AGPAT4: variants seen among roughly 807,000 people sequenced by gnomAD.
The protein encoded by AGPAT4 is 1-acylglycerol-3-phosphate O-acyltransferase 4.
A neutral mutation model predicts 48.0 loss-of-function variants in AGPAT4; 15 were observed. The observed-to-expected ratio is 0.31, with a 90% CI of 0.21 to 0.48. The LOEUF is 0.48. AGPAT4 is among the 20% of genes least tolerant of loss of function. The probability of loss-of-function intolerance (pLI) is 0.99; values close to 1 mark genes in which losing one functional copy is unlikely to be tolerated. For synonymous variants in AGPAT4, 178 were observed against 198.7 expected (o/e 0.90, Z 0.88); for missense variants, 314 against 482.5 (o/e 0.65, Z 3.27).
rs550574122 is a variant in AGPAT4 at position 161,248,962 on chromosome 6, A to G, written c.-89-16660T>C. On this transcript the variant is annotated intron_variant, in intron 1 of 8. Coordinates refer to ENST00000320285, the MANE Select transcript of AGPAT4 (RefSeq NM_020133.3). ...CAAATGGGCATGGTACTGAACAAAA[A>G]CAGACACATAGACCAATGGAACAGA... 3.7e-4 allele frequency among the ~76,000 whole-genome samples: 56 copies of G among 152,300 alleles called. 3 individuals carry two copies. The South Asian group carries it at 0.011, about 31-fold the overall frequency.
In AGPAT4 at chr6:161,143,681, G is replaced by A. The variant is rs925824041; in HGVS notation, c.843+2843C>T. On this transcript the variant is annotated intron_variant, in intron 7 of 8. Transcript: ENST00000320285. This position sits in a 1 kb window ranked among gnomAD's most constrained non-coding sequence, Gnocchi z 4.7. ...AACAACACGAGTCCCAAATGCTGAC[G>A]AGCAAGAAATACTGTGCATTTTTCA... Among the ~76,000 whole-genome samples, 1 of 152,198 alleles carries A rather than the reference G, an allele frequency of 6.6e-6. No individual in the cohort carries two copies. The highest frequency in any genetic ancestry group is 2.1e-4 in the South Asian group (1 of 4,832).
chr6:161,228,499 G>A (rs980904795), intron 2 of AGPAT4, among the ~76,000 whole-genome samples: 1 of 151,262 alleles, frequency 6.6e-6, no homozygotes, highest in Non-Finnish European at 1.5e-5. Flanking sequence ...GGGTGGTGGT[G>A]TCCACTGTGT....
At position 161,235,621 on chromosome 6, in the gene AGPAT4, C is replaced by T. The variant is rs1389803483; in HGVS notation, c.-89-3319G>A. Among the ~76,000 whole-genome samples the T allele has an allele frequency of 6.6e-6, 1 of 152,146 alleles. No homozygotes were observed. The highest frequency in any genetic ancestry group is 1.5e-5 in the Non-Finnish European group (1 of 68,034). On this transcript the variant is annotated intron_variant, in intron 1 of 8. Coordinates refer to ENST00000320285, the MANE Select transcript of AGPAT4 (RefSeq NM_020133.3). The surrounding 1 kb of genome is among the most constrained non-coding windows in gnomAD (Gnocchi z 6.2). ...ATGGTTCTGCAGGCTGTACAGAAAG[C>T]ACAGTGGCTTCTGATTCTGGGGAGG... is the stretch of plus-strand genomic sequence containing the variant.
chr6:161,221,942 T>A lies in AGPAT4; in HGVS notation c.178+10094A>T, dbSNP rs543330344. ...ATGAAGACTCTATTTCCAAACAAGT[T>A]CACATTCACAAGCACTGGGCTTTCA... On this transcript the variant is annotated intron_variant, in intron 2 of 8. Transcript: ENST00000320285. This position sits in a 1 kb window ranked among gnomAD's most constrained non-coding sequence, Gnocchi z 4.5. Among the ~76,000 whole-genome samples the A allele has an allele frequency of 6.6e-6, 1 of 152,352 alleles. No homozygotes were observed. The highest frequency in any genetic ancestry group is 2.1e-4 in the South Asian group (1 of 4,828).
At chr6:161,239,916 C>T (rs187180820) in intron 1 of AGPAT4, among the ~76,000 whole-genome samples, 10 of 152,112 alleles carry the variant, frequency 6.6e-5, no homozygotes, top group Admixed American at 6.6e-4. Context: ...ATCTTAAGGA[C>T]AAAATTAACT....
intron 2 of AGPAT4, among the ~76,000 whole-genome samples, chr6:161,230,469 G>A (rs1328390946): frequency 6.6e-6 from 1 of 152,196 alleles, no homozygotes; most frequent in Non-Finnish European, 1.5e-5. Context: ...CTGCTAGAGG[G>A]TAAAAAGACA....
In AGPAT4 at chr6:161,143,874, T is replaced by C; in HGVS notation, c.843+2650A>G. The C allele has an allele frequency of 3.4e-6, 1 of 296,202 alleles. No individual in the cohort carries two copies. The highest frequency in any genetic ancestry group is 6.5e-6 in the Non-Finnish European group (1 of 153,142). 18.3% of individuals were successfully genotyped at this position (296,202 alleles called of 1,614,324 possible). On this transcript the variant is annotated intron_variant, in intron 7 of 8. Transcript: ENST00000320285. This position sits in a 1 kb window ranked among gnomAD's most constrained non-coding sequence, Gnocchi z 4.7. The stretch of plus-strand genomic sequence containing the variant: ...CACACCTCTGTTGGCTGCCTGCCAT[T>C]CCCCTCCCATTTTGCAGAAACTTTA...
chr6:161,165,783 G>T lies in AGPAT4; in HGVS notation c.348+465C>A. On this transcript the variant is annotated intron_variant, in intron 3 of 8. Transcript: ENST00000320285. This position sits in a 1 kb window ranked among gnomAD's most constrained non-coding sequence, Gnocchi z 5.5. ...TTTTGCAGTTCACTCTCTCACTTAT[G>T]GACTCAAAGTTCTTAAGCCTTCAAC... The T allele has an allele frequency of 1.7e-6, 1 of 602,214 alleles. No individual in the cohort carries two copies. Among genetic ancestry groups the T allele is most frequent in the Admixed American group, 2.2e-5 (1 of 44,492 alleles). 37.3% of individuals were successfully genotyped at this position (602,214 alleles called of 1,614,324 possible). A position where few individuals can be genotyped will look rare whatever the true frequency, so the allele number is the denominator to read the frequency against.
rs1781386609 is a variant in AGPAT4 at position 161,206,685 on chromosome 6, GAC to G, written c.178+25349_178+25350del. ...AAAATCACAACTTGAAAGAGAAAAA[GAC>G]AATTGACACATGCCAACCCTGGGAT... On this transcript the variant is annotated intron_variant, in intron 2 of 8. Coordinates refer to ENST00000320285, the MANE Select transcript of AGPAT4 (RefSeq NM_020133.3). This position sits in a 1 kb window ranked among gnomAD's most constrained non-coding sequence, Gnocchi z 4.8. Among the ~76,000 whole-genome samples, 1 of 149,182 alleles carries G rather than the reference GAC, an allele frequency of 6.7e-6. No individual in the cohort carries two copies. Among genetic ancestry groups the G allele is most frequent in the Admixed American group, 6.6e-5 (1 of 15,156 alleles).
Position 161,140,237 on chromosome 6 carries a change from G to C in AGPAT4, c.844-617C>G, listed in dbSNP as rs1488294773. 6.6e-6 allele frequency among the ~76,000 whole-genome samples: 1 copy of C among 152,250 alleles called. No individual in the cohort carries two copies. The highest frequency in any genetic ancestry group is 1.5e-5 in the Non-Finnish European group (1 of 68,046). On this transcript the variant is annotated intron_variant, in intron 7 of 8. Coordinates refer to ENST00000320285, the MANE Select transcript of AGPAT4 (RefSeq NM_020133.3). The surrounding 1 kb of genome is among the most constrained non-coding windows in gnomAD (Gnocchi z 6.5). ...TGACAAAGGGCTGGAGGGCTGCTGGGTGTGGCTCTCAGAGGTGACAGCACA... is the reference window on the plus strand; with the variant it reads ...TGACAAAGGGCTGGAGGGCTGCTGGCTGTGGCTCTCAGAGGTGACAGCACA...
chr6:161,224,740 G>A (rs1445576491), intron 2 of AGPAT4, among the ~76,000 whole-genome samples: 5 of 151,394 alleles, frequency 3.3e-5, no homozygotes, highest in Admixed American at 2.0e-4. Flanking sequence ...AGTACCAAAC[G>A]CAATGCCTGA....
rs1303468901 is a variant in AGPAT4 at position 161,225,357 on chromosome 6, A to G, written c.178+6679T>C. 6.6e-6 allele frequency among the ~76,000 whole-genome samples: 1 copy of G among 152,234 alleles called. No individual in the cohort carries two copies. The highest frequency in any genetic ancestry group is 1.5e-5 in the Non-Finnish European group (1 of 68,042). Reference sequence around the variant, plus strand: ...GCAGGGGCCATGGGCTTCAGGGATAAGAACCCCTTCCCCTCTCTTGTCCAA... The same window carrying G: ...GCAGGGGCCATGGGCTTCAGGGATAGGAACCCCTTCCCCTCTCTTGTCCAA... On this transcript the variant is annotated intron_variant, in intron 2 of 8. Coordinates refer to ENST00000320285, the MANE Select transcript of AGPAT4 (RefSeq NM_020133.3). This position sits in a 1 kb window ranked among gnomAD's most constrained non-coding sequence, Gnocchi z 5.0.
At position 161,178,524 on chromosome 6, in the gene AGPAT4, G is replaced by A. The variant is rs878870396; in HGVS notation, c.179-12107C>T. On this transcript the variant is annotated intron_variant, in intron 2 of 8. Coordinates refer to ENST00000320285, the MANE Select transcript of AGPAT4 (RefSeq NM_020133.3). This position sits in a 1 kb window ranked among gnomAD's most constrained non-coding sequence, Gnocchi z 5.1. The stretch of plus-strand genomic sequence containing the variant: ...GGAGTGAACCAATTTTCCAGGTGCC[G>A]TCTGTCACCGCTTCCCTTGGCTAGG... 2.8e-4 allele frequency among the ~76,000 whole-genome samples: 42 copies of A among 152,282 alleles called. No homozygotes were observed. Among genetic ancestry groups the A allele is most frequent in the African/African-American group, 8.7e-4 (36 of 41,572 alleles).
Position 161,201,552 on chromosome 6 carries a change from C to A in AGPAT4, c.178+30484G>T, listed in dbSNP as rs1313000824. Among the ~76,000 whole-genome samples, 7 of 152,204 alleles carry A rather than the reference C, an allele frequency of 4.6e-5. No individual in the cohort carries two copies. Among genetic ancestry groups the A allele is most frequent in the African/African-American group, 1.7e-4 (7 of 41,440 alleles). On this transcript the variant is annotated intron_variant, in intron 2 of 8. Transcript: ENST00000320285. This position sits in a 1 kb window ranked among gnomAD's most constrained non-coding sequence, Gnocchi z 6.0. Reference sequence around the variant, plus strand: ...TATCTGCGATGTCCCAGGAACTCTCCTGCAATACAGAGCCTCTGTCTTCTT... The same window carrying A: ...TATCTGCGATGTCCCAGGAACTCTCATGCAATACAGAGCCTCTGTCTTCTT...
rs1184893609 is a variant in AGPAT4 at position 161,226,118 on chromosome 6, G to A, written c.178+5918C>T. Among the ~76,000 whole-genome samples, 1 of 152,116 alleles carries A rather than the reference G, an allele frequency of 6.6e-6. No individual in the cohort carries two copies. Among genetic ancestry groups the A allele is most frequent in the East Asian group, 1.9e-4 (1 of 5,172 alleles). ...ACCTTCAAAGAGGGGACCCAAATTT[G>A]AGGCTGTGTCCTCCCAGCAGAGGTA... is the stretch of plus-strand genomic sequence containing the variant. On this transcript the variant is annotated intron_variant, in intron 2 of 8. Transcript: ENST00000320285. The surrounding 1 kb of genome is among the most constrained non-coding windows in gnomAD (Gnocchi z 6.3).
In AGPAT4 at chr6:161,133,817, G is replaced by C. The variant is rs1277724084; in HGVS notation, c.*2723C>G. 6.6e-6 allele frequency: 1 copy of C among 152,084 alleles called. No homozygotes were observed. The highest frequency in any genetic ancestry group is 1.5e-5 in the Non-Finnish European group (1 of 67,936). 9.4% of individuals were successfully genotyped at this position (152,084 alleles called of 1,614,324 possible). A position where few individuals can be genotyped will look rare whatever the true frequency, so the allele number is the denominator to read the frequency against. On this transcript the variant is annotated 3_prime_UTR_variant, in exon 9 of 9. Coordinates refer to ENST00000320285, the MANE Select transcript of AGPAT4 (RefSeq NM_020133.3). ...TAGAATGAGATGGAAAGGTGGGAAA[G>C]ACAGACAGGAAGTGTAGCTCTTAGT...
In AGPAT4 at chr6:161,262,479, T is replaced by C. The variant is rs1263737993; in HGVS notation, c.-90+11459A>G. ...GCTCTATACTAGCTCATTCCTTTTT[T>C]TTTTCCCCCTCCTCATTATTCTCTC... On this transcript the variant is annotated intron_variant, in intron 1 of 8. Transcript: ENST00000320285. The surrounding 1 kb of genome is among the most constrained non-coding windows in gnomAD (Gnocchi z 4.9). 2.6e-5 allele frequency among the ~76,000 whole-genome samples: 4 copies of C among 152,114 alleles called. No individual in the cohort carries two copies. The highest frequency in any genetic ancestry group is 6.5e-5 in the Admixed American group (1 of 15,276).
At chr6:161,241,857 A>G (rs1448073627) in intron 1 of AGPAT4, among the ~76,000 whole-genome samples, 1 of 152,104 alleles carries the variant, frequency 6.6e-6, no homozygotes, top group Non-Finnish European at 1.5e-5. Context: ...CTCAGCCTCC[A>G]GAGTAGCTGG....
chr6:161,185,793 G>A (rs567659763), intron 2 of AGPAT4, among the ~76,000 whole-genome samples: 140 of 152,288 alleles, frequency 9.2e-4, no homozygotes, highest in Non-Finnish European at 1.8e-3. Flanking sequence ...AGCAGCAGCC[G>A]GAAGAGAGAC....
Sources: allele counts gnomAD v4.1 joint callset (sites outside exome capture counted in the v4.1 genomes callset), GRCh38; gene constraint gnomAD v4.1.1; non-coding constraint Gnocchi (gnomAD v3.1); transcripts MANE v1.5; gene names NCBI Gene and HGNC (gene_info 2026-07-23, HGNC 2026-07-21).